GSE1: variants seen among roughly 807,000 people sequenced by gnomAD.
GSE1 encodes the protein Gse1 coiled-coil protein.
A neutral mutation model predicts 112.6 loss-of-function variants in GSE1; 32 were observed. That is an observed-to-expected ratio of 0.28 (90% CI 0.21 to 0.38). The LOEUF (loss-of-function observed/expected upper bound fraction) is 0.38. GSE1 is among the 10% of genes least tolerant of loss of function. GSE1 has a pLI of 1.00. For missense variants in GSE1, 2,348 were observed against 1,699.2 expected (o/e 1.38, Z -6.71); for synonymous variants, 1,115 against 735.6 (o/e 1.52, Z -8.35).
At chr16:85,282,042 T>C (rs2044872996) in intron 1 of GSE1, among the ~76,000 whole-genome samples, 1 of 151,772 alleles carries the variant, frequency 6.6e-6, no homozygotes, top group Non-Finnish European at 1.5e-5. Flanking sequence ...TTTTTTTTTT[T>C]TTTGAGACAG....
At chr16:85,462,402 G>A (rs1006254403) in intron 2 of GSE1, among the ~76,000 whole-genome samples, 11 of 151,818 alleles carry the variant, frequency 7.2e-5, no homozygotes, top group African/African-American at 2.7e-4. Flanking sequence ...CTCCTCTCCT[G>A]GTGCCTGTCT....
intron 1 of GSE1, among the ~76,000 whole-genome samples, chr16:85,586,548 C>T (rs964299869): frequency 1.3e-5 from 2 of 152,228 alleles, no homozygotes; most frequent in Non-Finnish European, 1.5e-5. Flanking sequence ...CTCCCGGGAG[C>T]CGGGCCACAC....
At chr16:85,572,702 G>C (rs1007586969) in intron 1 of GSE1, among the ~76,000 whole-genome samples, 7 of 152,290 alleles carry the variant, frequency 4.6e-5, no homozygotes, top group South Asian at 4.1e-4. Context: ...CTCGGTTTCC[G>C]AGGGCTCCCC....
upstream of GSE1, chr16:85,555,263 C>G: frequency 1.0e-6 from 1 of 985,410 alleles, no homozygotes; most frequent in East Asian, 1.1e-4. Context: ...GCCGTGCGCT[C>G]TCGCCTCCCC....
chr16:85,247,250 C>A (rs2143993874), intron 1 of GSE1, among the ~76,000 whole-genome samples: 1 of 152,304 alleles, frequency 6.6e-6, no homozygotes, highest in Non-Finnish European at 1.5e-5. Flanking sequence ...CATGCTCTGT[C>A]CCCAGCACCT....
upstream of GSE1, chr16:85,613,096 CG>C (rs967359145): frequency 1.2e-5 from 10 of 822,804 alleles, no homozygotes; most frequent in African/African-American, 1.8e-4. Flanking sequence ...GGGCGCCCGT[CG>C]GTGCGCGCGC....
At chr16:85,337,071 C>T (rs1348453899) in intron 1 of GSE1, among the ~76,000 whole-genome samples, 1 of 152,226 alleles carries the variant, frequency 6.6e-6, no homozygotes, top group African/African-American at 2.4e-5. Context: ...CACCCTGGGT[C>T]TGCCCCCAGC....
In GSE1 at chr16:85,598,805, C is replaced by T. The variant is rs373781276; in HGVS notation, c.37+42442C>T. On this transcript the variant is annotated intron_variant, in intron 1 of 2. Coordinates refer to the GSE1 transcript ENST00000635906. The stretch of plus-strand genomic sequence containing the variant: ...TTCTGTCCAGATGGGCTTTGTGGTG[C>T]GGCCCCCTCGTCCGTTCTGCAGCCT... Among the ~76,000 whole-genome samples the T allele has an allele frequency of 1.6e-4, 24 of 152,338 alleles. 1 individual carries two copies. The highest frequency in any genetic ancestry group is 5.0e-4 in the African/African-American group (21 of 41,590).
At chr16:85,613,837 G>C (rs1203611464) in intron 1 of GSE1, among the ~76,000 whole-genome samples, 6 of 137,988 alleles carry the variant, frequency 4.3e-5, no homozygotes, top group African/African-American at 1.6e-4. Flanking sequence ...AGGTGCTGGC[G>C]ACGGCCGAGG....
intron 3 of GSE1, among the ~76,000 whole-genome samples, chr16:85,651,834 C>T (rs2051382955): frequency 6.6e-6 from 1 of 152,226 alleles, no homozygotes; most frequent in Non-Finnish European, 1.5e-5. Flanking sequence ...TCTGGGCATC[C>T]AGAGACCCAC....
chr16:85,645,541 G>C (rs894870617), intron 2 of GSE1, among the ~76,000 whole-genome samples: 6 of 151,924 alleles, frequency 3.9e-5, no homozygotes, highest in African/African-American at 1.2e-4. Flanking sequence ...GGAGAGCAAA[G>C]TTCTGTTTCC....
At position 85,656,007 on chromosome 16, in the gene GSE1, C is replaced by G. The variant is rs1226879046; in HGVS notation, c.989+90C>G. 10 of 1,038,092 alleles carry G rather than the reference C, an allele frequency of 9.6e-6. No homozygotes were observed. The East Asian group carries it at 2.3e-4, about 24-fold the overall frequency. 64.3% of individuals were successfully genotyped at this position (1,038,092 alleles called of 1,614,324 possible). On this transcript the variant is annotated intron_variant, in intron 6 of 15. Coordinates refer to ENST00000253458, the MANE Select transcript of GSE1 (RefSeq NM_014615.5). ...AAGCCTGGGCTGGAACCTGACTGGA[C>G]TCCTTGGCCATGCCTGTCCTCACAG...
chr16:85,635,695 C>T (rs888141152), intron 2 of GSE1, among the ~76,000 whole-genome samples: 8 of 152,150 alleles, frequency 5.3e-5, no homozygotes, highest in East Asian at 1.9e-4. Flanking sequence ...GAGGGATTTC[C>T]GAGGCCACGG....
chr16:85,409,732 T>A (rs79357015), intron 2 of GSE1, among the ~76,000 whole-genome samples: 8 of 2,210 alleles, frequency 3.6e-3, no homozygotes, highest in Non-Finnish European at 0.056. Flanking sequence ...TCACTGTTAC[T>A]CTCAGGCCCC....
At chr16:85,644,903 T>C (rs1054004741) in intron 2 of GSE1, among the ~76,000 whole-genome samples, 4 of 151,830 alleles carry the variant, frequency 2.6e-5, no homozygotes, top group Admixed American at 6.6e-5. Flanking sequence ...TTATTTTTTT[T>C]CCCCAAAAAC....
intron 2 of GSE1, among the ~76,000 whole-genome samples, chr16:85,469,961 C>T (rs891967263): frequency 6.6e-6 from 1 of 152,216 alleles, no homozygotes; most frequent in Non-Finnish European, 1.5e-5. Context: ...CTGTGGTTCC[C>T]CGCAGTGGCA....
Position 85,171,691 on chromosome 16 carries a change from G to T in GSE1, c.2167G>T (p.Gly723Ter). 1 of 985,608 alleles carries T rather than the reference G, an allele frequency of 1.0e-6. No individual in the cohort carries two copies. Among genetic ancestry groups the T allele is most frequent in the Non-Finnish European group, 1.2e-6 (1 of 830,056 alleles). The allele number at this position is 985,608 out of a possible 1,614,324, so 61.1% of individuals were successfully genotyped here. A position where few individuals can be genotyped will look rare whatever the true frequency, so the allele number is the denominator to read the frequency against. ...AAGCCACAGCCTGTTGGTGGATGAC[G>T]GACAGCAGCTGATCATCGGTGCTTG... is the stretch of plus-strand genomic sequence containing the variant. The change falls in exon 1 of 3, where the codon GGA becomes TGA. Residue 723 changes from glycine (G) to a stop codon, truncating the protein, a stop_gained. Transcript: ENST00000637419. LOFTEE classifies it high-confidence loss of function.
At chr16:85,320,295 C>T in intron 1 of GSE1, among the ~76,000 whole-genome samples, 1 of 152,160 alleles carries the variant, frequency 6.6e-6, no homozygotes, top group East Asian at 1.9e-4. Context: ...GAGGCCGGAG[C>T]AGTTTTCCTT....
intron 1 of GSE1, among the ~76,000 whole-genome samples, chr16:85,233,028 A>G (rs939714676): frequency 2.6e-5 from 4 of 152,212 alleles, no homozygotes; most frequent in African/African-American, 9.6e-5. Flanking sequence ...GAGGGCAGGG[A>G]GACCTTTGCT....
Sources: gnomAD v4.1 joint callset for allele counts (sites outside exome capture counted in the v4.1 genomes callset) on GRCh38, gnomAD v4.1.1 for gene constraint, MANE v1.5 for transcripts, NCBI Gene and HGNC (gene_info 2026-07-23, HGNC 2026-07-21) for gene names.